The following PRICKLE2 variants were observed in gnomAD, a reference collection of about 807,000 sequenced individuals.
PRICKLE2 encodes prickle planar cell polarity protein 2, also known as prickle-like protein 2.
PRICKLE2 carries 21 observed loss-of-function variants against 81.4 expected under a neutral mutation model. The ratio of observed to expected loss-of-function variants is 0.26; its 90% CI spans 0.18 to 0.37. PRICKLE2 has a LOEUF of 0.37. PRICKLE2 is among the 10% of genes least tolerant of loss of function. PRICKLE2 has a pLI of 1.00. For synonymous variants in PRICKLE2, 456 were observed against 421.5 expected (o/e 1.08, Z -1.00); for missense variants, 940 against 1,109.0 (o/e 0.85, Z 2.16).
rs150408105 is a variant in PRICKLE2, at chr3:64,115,427, C to T, written c.1661-15502G>A. 3.3e-5 allele frequency among the ~76,000 whole-genome samples: 5 copies of T among 152,130 alleles called. No individual in the cohort carries two copies. In the East Asian group the frequency reaches 9.7e-4, roughly 29 times the overall value. On this transcript the variant is annotated intron_variant, in intron 7 of 7. Transcript: ENST00000638394. ...TGGCAAGCTGCATGAAGAACCAAGACCCATTATTATGCTGTCTTCAAGAGA... is the reference window on the plus strand; with the variant it reads ...TGGCAAGCTGCATGAAGAACCAAGATCCATTATTATGCTGTCTTCAAGAGA...
rs1332745861 is a variant in PRICKLE2, at chr3:64,157,311, G to T, written c.451C>A (p.His151Asn). 6.2e-7 allele frequency: 1 copy of T among 1,613,900 alleles called. No individual in the cohort carries two copies. Among genetic ancestry groups the T allele is most frequent in the Non-Finnish European group, 8.5e-7 (1 of 1,180,042 alleles). The change falls in exon 5 of 8, where the codon CAC (histidine) becomes AAC (asparagine). Residue 151 changes from histidine to asparagine, a missense_variant. Transcript: ENST00000638394. ...DIAVFASRAG[H>N]GVCWHPPCFV... Reference sequence around the variant, plus strand: ...CACGGCGGGTGCCAGCAAACGCCGTGGCCAGCGCGTGACGCAAACACAGCG... The same window carrying T: ...CACGGCGGGTGCCAGCAAACGCCGTTGCCAGCGCGTGACGCAAACACAGCG...
chr3:64,209,524 A>G (rs542889068), intron 1 of PRICKLE2, among the ~76,000 whole-genome samples: 8 of 152,196 alleles, frequency 5.3e-5, no homozygotes, highest in African/African-American at 1.9e-4. Flanking sequence ...ATCTGTAAAT[A>G]CATCCACATC....
At chr3:64,185,886 G>A (rs1361501928) in intron 2 of PRICKLE2, among the ~76,000 whole-genome samples, 1 of 152,176 alleles carries the variant, frequency 6.6e-6, no homozygotes, top group East Asian at 1.9e-4. Flanking sequence ...GATAGCAAAT[G>A]TACCTATCAC....
intron 7 of PRICKLE2, among the ~76,000 whole-genome samples, chr3:64,120,030 G>A (rs910305397): frequency 6.6e-6 from 1 of 152,104 alleles, no homozygotes; most frequent in Non-Finnish European, 1.5e-5. Context: ...ATGTAAAGAT[G>A]GCAACAAGAG....
In PRICKLE2 at chr3:64,157,167, C is replaced by T. The variant is rs2077648464; in HGVS notation, c.595G>A (p.Asp199Asn). 7 of 1,613,966 alleles carry T rather than the reference C, an allele frequency of 4.3e-6. No homozygotes were observed. The highest frequency in any genetic ancestry group is 3.3e-4 in the Middle Eastern group (2 of 6,030). Residue 199 changes from aspartate (D) to asparagine (N), a missense_variant, in exon 5 of 8, where the codon GAT becomes AAT. Asp to Asn is a conservative substitution (Grantham distance 23, BLOSUM62 1). This residue lies in a region of PRICKLE2 where 270 missense variants were observed against 391.8 expected (regional missense o/e 0.69). Transcript: ENST00000638394. ...ECLKPRCAAC[D>N]EIIFADECTE... ...CTGCTGGAGTTTGCTCTAACCTCAT[C>T]GCAGGCAGCACAGCGCGGCTTCAGG... is the stretch of plus-strand genomic sequence containing the variant.
chr3:64,267,941 C>A (rs914133366), intron 2 of PRICKLE2: 1 of 152,268 alleles, frequency 6.6e-6, no homozygotes, highest in South Asian at 2.1e-4. Flanking sequence ...GCGCCTCTGC[C>A]GGCCCGGGAA....
intron 2 of PRICKLE2, among the ~76,000 whole-genome samples, chr3:64,173,656 G>A (rs1412565717): frequency 6.6e-6 from 1 of 152,154 alleles, no homozygotes; most frequent in Non-Finnish European, 1.5e-5. Context: ...AGTAAAAAGA[G>A]CAGTAGAAGA....
upstream of PRICKLE2, among the ~76,000 whole-genome samples, chr3:64,227,460 TC>T (rs2079046422): frequency 6.6e-6 from 1 of 152,132 alleles, no homozygotes; most frequent in South Asian, 2.1e-4. Context: ...ATCAGCATGG[TC>T]ATATAAGAGG....
chr3:64,149,147 C>A (rs2077503757), intron 6 of PRICKLE2, among the ~76,000 whole-genome samples: 1 of 152,238 alleles, frequency 6.6e-6, no homozygotes, highest in African/African-American at 2.4e-5. Context: ...GAGCCTCCCA[C>A]AGCCCCAGGG....
At position 64,119,389 on chromosome 3, in the gene PRICKLE2, G is replaced by A. The variant is rs76940589; in HGVS notation, c.1661-19464C>T. Among the ~76,000 whole-genome samples, 49 of 152,128 alleles carry A rather than the reference G, an allele frequency of 3.2e-4. No homozygotes were observed. In the East Asian group the frequency reaches 8.5e-3, roughly 26 times the overall value. ...ACTTAAAATAAAAGTTGAAAGAAAT[G>A]GGCAAAAAACATGAAAAGACACTTC... On this transcript the variant is annotated intron_variant, in intron 7 of 7. Transcript: ENST00000638394.
intron 1 of PRICKLE2, among the ~76,000 whole-genome samples, chr3:64,212,443 C>G (rs536155992): frequency 6.6e-6 from 1 of 152,296 alleles, no homozygotes; most frequent in East Asian, 1.9e-4. Context: ...TAACACACCT[C>G]ATCTCCAAAC....
intron 7 of PRICKLE2, among the ~76,000 whole-genome samples, chr3:64,109,295 C>G (rs2076805637): frequency 6.6e-6 from 1 of 152,192 alleles, no homozygotes; most frequent in Non-Finnish European, 1.5e-5. Flanking sequence ...TCCTTTCTCT[C>G]AGTGGCTATC....
chr3:64,235,237 A>G (rs2079163041), intron 2 of PRICKLE2, among the ~76,000 whole-genome samples: 1 of 152,004 alleles, frequency 6.6e-6, no homozygotes, highest in African/African-American at 2.4e-5. Context: ...TTTTCTAACA[A>G]TTTCTCTTCA....
At chr3:64,230,670 A>C (rs534345333) in intron 2 of PRICKLE2, among the ~76,000 whole-genome samples, 1 of 152,304 alleles carries the variant, frequency 6.6e-6, no homozygotes, top group South Asian at 2.1e-4. Context: ...AAAGACCTGA[A>C]TTCACATCTG....
chr3:64,195,417 C>T (rs992077118), intron 2 of PRICKLE2, among the ~76,000 whole-genome samples: 1 of 152,150 alleles, frequency 6.6e-6, no homozygotes, highest in African/African-American at 2.4e-5. Flanking sequence ...AGAGTATCAC[C>T]TGAAGGTATA....
intron 1 of PRICKLE2, among the ~76,000 whole-genome samples, chr3:64,208,892 A>T (rs1395851500): frequency 6.6e-6 from 1 of 152,108 alleles, no homozygotes; most frequent in African/African-American, 2.4e-5. Flanking sequence ...CTCTTATTCC[A>T]TCCATATCCA....
chr3:64,229,839 A>G (rs2079076906), upstream of PRICKLE2, among the ~76,000 whole-genome samples: 1 of 152,248 alleles, frequency 6.6e-6, no homozygotes, highest in Non-Finnish European at 1.5e-5. Flanking sequence ...TGGGAGAGGA[A>G]GCTGACAAAG....
At chr3:64,231,251 A>G (rs188782631) in intron 2 of PRICKLE2, among the ~76,000 whole-genome samples, 3 of 152,332 alleles carry the variant, frequency 2.0e-5, no homozygotes, top group African/African-American at 2.4e-5. Flanking sequence ...AAAGAGTGCT[A>G]AAGATTTTGC....
rs187240552 is a variant in PRICKLE2 at position 64,179,712 on chromosome 3, T to C, written c.145-16583A>G. ...AGTCTGCAAATGACCATGAAAGTGC[T>C]GCCGCAAGTATTGATTTTGGGGTTA... On this transcript the variant is annotated intron_variant, in intron 2 of 7. Coordinates refer to ENST00000638394, the MANE Select transcript of PRICKLE2 (RefSeq NM_198859.4). Among the ~76,000 whole-genome samples, 21 of 152,340 alleles carry C rather than the reference T, an allele frequency of 1.4e-4. No homozygotes were observed. The East Asian group carries it at 4.1e-3, about 29-fold the overall frequency.
Sources: gnomAD v4.1 joint callset for allele counts (sites outside exome capture counted in the v4.1 genomes callset) on GRCh38, gnomAD v4.1.1 for gene constraint, gnomAD v4.1.1 regional missense constraint, MANE v1.5 for transcripts, NCBI Gene and HGNC (gene_info 2026-07-23, HGNC 2026-07-21) for gene names.